The following WDFY3 variants were observed in gnomAD, a reference collection of about 807,000 sequenced individuals.
WDFY3 encodes WD repeat and FYVE domain containing 3, also known as WD repeat and FYVE domain-containing protein 3.
In WDFY3, 66 loss-of-function variants were observed where a neutral mutation model predicts 409.6. The observed-to-expected ratio is 0.16, with a 90% confidence interval of 0.13 to 0.20. The LOEUF (loss-of-function observed/expected upper bound fraction) is 0.20, where lower values mean the gene tolerates loss of function less well. Ranked by LOEUF, WDFY3 falls within the 10% of genes least tolerant of loss-of-function variation. WDFY3 has a pLI of 1.00. For missense variants in WDFY3, 3,031 were observed against 4,298.1 expected (o/e 0.71, Z 8.24); for synonymous variants, 1,521 against 1,537.1 (o/e 0.99, Z 0.25).
chr4:84,810,918 G>A (rs775644609), intron 13 of WDFY3, among the ~76,000 whole-genome samples: 11 of 68,128 alleles, frequency 1.6e-4, no homozygotes, highest in Non-Finnish European at 3.6e-4. Context: ...ACAGCTGTAA[G>A]CTTTAAAAAA....
intron 32 of WDFY3, among the ~76,000 whole-genome samples, chr4:84,762,036 A>C (rs1488889099): frequency 1.3e-5 from 2 of 152,190 alleles, no homozygotes; most frequent in Admixed American, 6.5e-5. Flanking sequence ...TAGTTCAACC[A>C]TTGTGGAAGT....
intron 36 of WDFY3, among the ~76,000 whole-genome samples, chr4:84,744,931 C>T (rs1739149054): frequency 6.7e-6 from 1 of 149,416 alleles, no homozygotes; most frequent in East Asian, 2.0e-4. Flanking sequence ...CATATGTTTT[C>T]CTAAAATTGT....
At chr4:84,781,775 C>T (rs1407421763) in intron 25 of WDFY3, among the ~76,000 whole-genome samples, 1 of 152,178 alleles carries the variant, frequency 6.6e-6, no homozygotes. Flanking sequence ...TTGAAAAGGA[C>T]ATACCACAGT....
chr4:84,818,180 G>A (rs1467626291), intron 12 of WDFY3, among the ~76,000 whole-genome samples: 1 of 152,126 alleles, frequency 6.6e-6, no homozygotes, highest in African/African-American at 2.4e-5. Context: ...GGCGGTCAAA[G>A]TCATACAGCT....
At chr4:84,880,669 C>CCATA (rs1279514515) in intron 3 of WDFY3, among the ~76,000 whole-genome samples, 16 of 47,296 alleles carry the variant, frequency 3.4e-4, no homozygotes, top group Admixed American at 8.3e-4. Flanking sequence ...AATAAGGGAA[C>CCATA]CATACATATA....
In WDFY3 at chr4:84,799,339, T is replaced by TATA. The variant is rs59396701; in HGVS notation, c.2823-1232_2823-1231insTAT. On this transcript the variant is annotated intron_variant, in intron 17 of 67. Coordinates refer to ENST00000295888, the MANE Select transcript of WDFY3 (RefSeq NM_014991.6). ...GCTAGTTAATACATATATATATATA[T>TATA]TTTTTTTTTTTTTGTAGAAACAGGG... 7.9e-3 allele frequency among the ~76,000 whole-genome samples: 1,052 copies of TATA among 132,652 alleles called. 8 individuals carry two copies. The highest frequency in any genetic ancestry group is 0.012 in the Non-Finnish European group (715 of 62,048). 87.0% of individuals were successfully genotyped at this position (132,652 alleles called of 152,430 possible).
rs1757875278 is a variant in WDFY3, at chr4:84,844,926, T to C, written c.305-3663A>G. ...ATGGAGGCAAAGGACCAAGAAAGAA[T>C]TAAGGGAGACAAGGAGACTGTGACT... is the stretch of plus-strand genomic sequence containing the variant. On this transcript the variant is annotated intron_variant, in intron 5 of 67. Transcript: ENST00000295888. Among the ~76,000 whole-genome samples the C allele has an allele frequency of 2.0e-5, 3 of 152,288 alleles. No individual in the cohort carries two copies. The South Asian group carries it at 6.2e-4, about 32-fold the overall frequency.
chr4:84,833,010 T>C (rs976872207), intron 7 of WDFY3, among the ~76,000 whole-genome samples: 5 of 151,980 alleles, frequency 3.3e-5, no homozygotes, highest in African/African-American at 1.2e-4. Context: ...GTATAAATAA[T>C]CTTCATTTCA....
chr4:84,852,309 A>C (rs1400472379), intron 4 of WDFY3, among the ~76,000 whole-genome samples: 1 of 152,236 alleles, frequency 6.6e-6, no homozygotes, highest in African/African-American at 2.4e-5. Flanking sequence ...TTTCAAACTT[A>C]TGAATTGTTT....
intron 13 of WDFY3, among the ~76,000 whole-genome samples, chr4:84,813,575 TGAG>T (rs1752833222): frequency 6.6e-6 from 1 of 152,314 alleles, no homozygotes; most frequent in East Asian, 1.9e-4. Context: ...GGCCACAATG[TGAG>T]TATTTATACC....
chr4:84,711,530 A>C (rs1297181042), intron 51 of WDFY3, among the ~76,000 whole-genome samples: 3 of 152,220 alleles, frequency 2.0e-5, no homozygotes, highest in Admixed American at 6.5e-5. Flanking sequence ...AAAATCAGAA[A>C]ACATTTTATA....
intron 30 of WDFY3, among the ~76,000 whole-genome samples, chr4:84,768,154 G>A (rs775669451): frequency 4.6e-5 from 7 of 152,192 alleles, no homozygotes; most frequent in Non-Finnish European, 8.8e-5. Context: ...GAGGGTTAAG[G>A]AAAGAAGCCA....
At position 84,757,205 on chromosome 4, in the gene WDFY3, G is replaced by A. The variant is rs151148510; in HGVS notation, c.5189-44C>T. On this transcript the variant is annotated intron_variant, in intron 32 of 67. Transcript: ENST00000295888. ...AACAGTAAGTGCAAAATCAGCAACT[G>A]ATAAACATGCTGCATTAACAAAGAA... 172 of 1,548,308 alleles carry A rather than the reference G, an allele frequency of 1.1e-4. 1 individual carries two copies. The East Asian group carries it at 3.7e-3, about 33-fold the overall frequency.
intron 3 of WDFY3, among the ~76,000 whole-genome samples, chr4:84,866,962 G>A (rs1324982090): frequency 1.3e-5 from 2 of 152,154 alleles, no homozygotes; most frequent in Non-Finnish European, 2.9e-5. Flanking sequence ...CAGTGAAAGA[G>A]CAGAAAGAAT....
intron 3 of WDFY3, among the ~76,000 whole-genome samples, chr4:84,871,575 TGAAA>T (rs1762138361): frequency 6.6e-6 from 1 of 152,084 alleles, no homozygotes; most frequent in South Asian, 2.1e-4. Context: ...TCTATATTAA[TGAAA>T]GAAAGAACAC....
intron 44 of WDFY3, among the ~76,000 whole-genome samples, chr4:84,732,886 A>T (rs1266790628): frequency 6.6e-6 from 1 of 152,190 alleles, no homozygotes; most frequent in African/African-American, 2.4e-5. Context: ...GAAAAACAAG[A>T]GGCATTGGAA....
At chr4:84,874,399 C>T (rs1009636226) in intron 3 of WDFY3, among the ~76,000 whole-genome samples, 13 of 151,576 alleles carry the variant, frequency 8.6e-5, no homozygotes, top group African/African-American at 2.2e-4. Context: ...GCTGACAGAG[C>T]GAGACTCTGT....
Position 84,966,604 on chromosome 4 carries a change from A to T in WDFY3, c.-621T>A, listed in dbSNP as rs1351169926. On this transcript the variant is annotated 5_prime_UTR_variant, in exon 1 of 68. Coordinates refer to ENST00000295888, the MANE Select transcript of WDFY3 (RefSeq NM_014991.6). The stretch of plus-strand genomic sequence containing the variant: ...CCCGCAGGGACCATCCCGGAAAGTG[A>T]GGGGTTGTTGCCGTTTCCCGCAGCT... 1.3e-5 allele frequency among the ~76,000 whole-genome samples: 2 copies of T among 151,836 alleles called. No homozygotes were observed. The highest frequency in any genetic ancestry group is 2.9e-5 in the Non-Finnish European group (2 of 67,932).
At chr4:84,836,496 G>A (rs1261014757) in intron 7 of WDFY3, among the ~76,000 whole-genome samples, 1 of 152,108 alleles carries the variant, frequency 6.6e-6, no homozygotes. Context: ...GGCAGAGGAG[G>A]AGGCAGCCAC....
Sources: gnomAD v4.1 joint callset for allele counts (sites outside exome capture counted in the v4.1 genomes callset) on GRCh38, gnomAD v4.1.1 for gene constraint, MANE v1.5 for transcripts, NCBI Gene and HGNC (gene_info 2026-07-23, HGNC 2026-07-21) for gene names.